The following CELF2 variants were observed in gnomAD, a reference collection of about 807,000 sequenced individuals.
The protein encoded by CELF2 is CUG triplet repeat RNA-binding protein 2.
Under a neutral mutation model 62.6 loss-of-function variants are expected in CELF2, and 8 were observed. The ratio of observed to expected loss-of-function variants is 0.13; its 90% CI spans 0.07 to 0.23. The LOEUF (loss-of-function observed/expected upper bound fraction) is 0.23. Among genes scored for constraint, CELF2 ranks in the 10% least tolerant of loss-of-function variants. The pLI, the probability that CELF2 is intolerant of heterozygous loss-of-function variation, is 1.00. For synonymous variants in CELF2, 258 were observed against 250.0 expected (o/e 1.03, Z -0.30); for missense variants, 333 against 671.0 (o/e 0.50, Z 5.56).
At chr10:10,647,946 G>C in the CELF2 span, among the ~76,000 whole-genome samples, 1 of 152,190 alleles carries the variant, frequency 6.6e-6, no homozygotes, top group Admixed American at 6.5e-5. Context: ...GGAGAGAAAA[G>C]CACCTGCATT....
intron 1 of CELF2, among the ~76,000 whole-genome samples, chr10:11,035,306 A>G (rs1481731536): frequency 1.3e-5 from 2 of 152,202 alleles, no homozygotes; most frequent in Non-Finnish European, 2.9e-5. Flanking sequence ...TGTTTCTAAT[A>G]TGGTAGCAGC....
chr10:11,143,476 C>T (rs572185201), intron 1 of CELF2, among the ~76,000 whole-genome samples: 64 of 152,330 alleles, frequency 4.2e-4, no homozygotes, highest in South Asian at 4.1e-4. Context: ...CTGACGGACC[C>T]TTCCAGGCCA....
chr10:11,150,995 A>G (rs1449524426), intron 1 of CELF2, among the ~76,000 whole-genome samples: 1 of 152,238 alleles, frequency 6.6e-6, no homozygotes, highest in Non-Finnish European at 1.5e-5. Context: ...ACACCTTTCA[A>G]GAATGTTGTG....
chr10:11,244,247 A>G lies in CELF2; in HGVS notation c.355-4906A>G, dbSNP rs1589724896. On this transcript the variant is annotated intron_variant, in intron 3 of 12. Coordinates refer to ENST00000633077, the MANE Select transcript of CELF2 (RefSeq NM_001326342.2). The surrounding 1 kb of genome is among the most constrained non-coding windows in gnomAD (Gnocchi z 4.2). ...GCACCTAGGGAAGATTTCATTCAGG[A>G]GTGAGTAGATGGGCATTGTTTCTTT... 6.6e-6 allele frequency among the ~76,000 whole-genome samples: 1 copy of G among 152,230 alleles called. No individual in the cohort carries two copies. Among genetic ancestry groups the G allele is most frequent in the African/African-American group, 2.4e-5 (1 of 41,458 alleles).
At position 10,934,713 on chromosome 10, in the gene CELF2, G is replaced by A. The variant is rs114256393; in HGVS notation, c.89+14714G>A. On this transcript the variant is annotated intron_variant, in intron 2 of 13. Transcript: ENST00000636488. The surrounding 1 kb of genome is among the most constrained non-coding windows in gnomAD (Gnocchi z 4.4). The stretch of plus-strand genomic sequence containing the variant: ...AAGAGGGTTGTTTTTTACTGAGTTC[G>A]AGAGGGTGAGGGTTGAGGGGCAGTT... The A allele has an allele frequency of 3.9e-5, 6 of 152,126 alleles. No individual in the cohort carries two copies. The highest frequency in any genetic ancestry group is 1.2e-4 in the African/African-American group (5 of 41,412). The allele number at this position is 152,126 out of a possible 1,614,324, so 9.4% of individuals were successfully genotyped here.
chr10:11,238,956 T>C (rs2072672406), intron 3 of CELF2, among the ~76,000 whole-genome samples: 1 of 152,112 alleles, frequency 6.6e-6, no homozygotes, highest in South Asian at 2.1e-4. Flanking sequence ...AGCTAACGAG[T>C]GTGATAAATG....
In CELF2 at chr10:11,157,088, G is replaced by A. The variant is rs776354067; in HGVS notation, c.75-8398G>A. Among the ~76,000 whole-genome samples the A allele has an allele frequency of 2.0e-5, 3 of 152,100 alleles. No homozygotes were observed. The highest frequency in any genetic ancestry group is 2.9e-5 in the Non-Finnish European group (2 of 68,032). The stretch of plus-strand genomic sequence containing the variant: ...AGGGTGGAAATGGAAGGTCCTTTGC[G>A]GAACAGGCTCCAGGGGGTGGCATTT... On this transcript the variant is annotated intron_variant, in intron 1 of 12. Transcript: ENST00000633077. This position sits in a 1 kb window ranked among gnomAD's most constrained non-coding sequence, Gnocchi z 4.9.
rs749546922 is a variant in CELF2, at chr10:11,011,569, A to G, written c.53+6129A>G. 7.2e-5 allele frequency among the ~76,000 whole-genome samples: 11 copies of G among 152,044 alleles called. No individual in the cohort carries two copies. The highest frequency in any genetic ancestry group is 1.5e-4 in the African/African-American group (6 of 41,376). On this transcript the variant is annotated intron_variant, in intron 1 of 12. Transcript: ENST00000416382. The surrounding 1 kb of genome is among the most constrained non-coding windows in gnomAD (Gnocchi z 4.6). Reference sequence around the variant, plus strand: ...CTCTTCTCTTACCTGCCCTATTCCTATGAAACAGGGCAAATATGTAGCTAT... The same window carrying G: ...CTCTTCTCTTACCTGCCCTATTCCTGTGAAACAGGGCAAATATGTAGCTAT...
chr10:10,572,306 A>C, the CELF2 span, among the ~76,000 whole-genome samples: 1 of 151,782 alleles, frequency 6.6e-6, no homozygotes, highest in African/African-American at 2.4e-5. Flanking sequence ...CTCAGGATTC[A>C]TGAAACAGTT....
intron 9 of CELF2, among the ~76,000 whole-genome samples, chr10:11,291,105 C>A (rs544824479): frequency 6.6e-6 from 1 of 152,258 alleles, no homozygotes; most frequent in Admixed American, 6.5e-5. Context: ...ACTGGGCATA[C>A]TATTTGGACC....
chr10:11,171,862 A>G (rs1234848024), intron 2 of CELF2, among the ~76,000 whole-genome samples: 1 of 152,206 alleles, frequency 6.6e-6, no homozygotes, highest in Non-Finnish European at 1.5e-5. Flanking sequence ...AAAATGTTAA[A>G]GGTTTGTAAG....
the CELF2 span, among the ~76,000 whole-genome samples, chr10:10,472,901 A>G: frequency 3.3e-5 from 5 of 151,854 alleles, no homozygotes; most frequent in African/African-American, 7.3e-5. Flanking sequence ...GTTTACTCCT[A>G]TTTTGGGGTT....
chr10:10,733,193 C>T, the CELF2 span, among the ~76,000 whole-genome samples: 1 of 152,178 alleles, frequency 6.6e-6, no homozygotes, highest in Admixed American at 6.5e-5. Context: ...CAAGTAGAGT[C>T]TACACCCGGG....
chr10:10,769,288 G>A, the CELF2 span, among the ~76,000 whole-genome samples: 1 of 152,016 alleles, frequency 6.6e-6, no homozygotes, highest in African/African-American at 2.4e-5. Flanking sequence ...GTAGAGATTG[G>A]TCCATCAATG....
chr10:10,539,711 A>T, the CELF2 span, among the ~76,000 whole-genome samples: 5 of 152,358 alleles, frequency 3.3e-5, no homozygotes, highest in Non-Finnish European at 7.3e-5. Flanking sequence ...CCCACTTGGA[A>T]ATTGTACCAC....
chr10:10,517,182 A>T, the CELF2 span, among the ~76,000 whole-genome samples: 1 of 152,186 alleles, frequency 6.6e-6, no homozygotes, highest in Non-Finnish European at 1.5e-5. Flanking sequence ...AATCATAGAC[A>T]GGCATGATTA....
the CELF2 span, among the ~76,000 whole-genome samples, chr10:10,736,023 G>A: frequency 3.9e-5 from 6 of 152,030 alleles, no homozygotes; most frequent in African/African-American, 1.2e-4. Flanking sequence ...AAACCTCAAT[G>A]GATTTAATTC....
upstream of CELF2, among the ~76,000 whole-genome samples, chr10:11,013,797 A>T (rs1273603438): frequency 6.6e-6 from 1 of 152,260 alleles, no homozygotes; most frequent in Non-Finnish European, 1.5e-5. The surrounding 1 kb of genome is among the most constrained non-coding windows in gnomAD (Gnocchi z 4.1). Flanking sequence ...ATAATTGGCG[A>T]TATAAATATT....
upstream of CELF2, among the ~76,000 whole-genome samples, chr10:11,017,523 G>T (rs369768261): frequency 1.3e-5 from 2 of 152,178 alleles, no homozygotes; most frequent in African/African-American, 4.8e-5. This position sits in a 1 kb window ranked among gnomAD's most constrained non-coding sequence, Gnocchi z 5.5. Context: ...ACACCACACC[G>T]AGGAGCATCG....
Sources: allele counts gnomAD v4.1 joint callset (sites outside exome capture counted in the v4.1 genomes callset), GRCh38; gene constraint gnomAD v4.1.1; non-coding constraint Gnocchi (gnomAD v3.1); transcripts MANE v1.5; gene names NCBI Gene and HGNC (gene_info 2026-07-23, HGNC 2026-07-21).